TERB2: variants seen among roughly 807,000 people sequenced by gnomAD.
The protein encoded by TERB2 is telomere repeat binding bouquet formation protein 2.
A neutral mutation model predicts 29.8 loss-of-function variants in TERB2; 26 were observed. The observed-to-expected ratio is 0.87, with a 90% confidence interval of 0.64 to 1.21. The LOEUF is 1.21. Among genes scored for constraint, TERB2 ranks in the 50% most tolerant of loss-of-function variants. TERB2 has a pLI of 0.00. For synonymous variants in TERB2, 80 were observed against 90.8 expected, an observed-to-expected ratio of 0.88 and a Z score of 0.68; for missense variants, 240 against 268.6, an observed-to-expected ratio of 0.89 and a Z score of 0.74.
At position 44,976,661 on chromosome 15, in the gene TERB2, C is replaced by T. The variant is rs188244185; in HGVS notation, c.524-1828C>T. On this transcript the variant is annotated intron_variant, in intron 6 of 6. Coordinates refer to ENST00000340827, the MANE Select transcript of TERB2 (RefSeq NM_152448.3). ...TCAGGAGGTGGGGATCAGTTGGGGC[C>T]ACTGGGTGGCTGGCTATCACAGATG... Among the ~76,000 whole-genome samples, 1,037 of 152,258 alleles carry T rather than the reference C, an allele frequency of 6.8e-3. 7 individuals carry two copies. Among genetic ancestry groups the T allele is most frequent in the Non-Finnish European group, 0.011 (736 of 68,010 alleles).
At chr15:44,976,283 T>C (rs1892046514) in intron 6 of TERB2, 1 of 152,156 alleles carries the variant, frequency 6.6e-6, no homozygotes, top group Non-Finnish European at 1.5e-5. Context: ...TTTTGTAAGG[T>C]TGCAGTCAAG....
intron 5 of TERB2, among the ~76,000 whole-genome samples, chr15:44,972,635 C>A (rs1023520633): frequency 6.6e-6 from 1 of 151,438 alleles, no homozygotes; most frequent in Non-Finnish European, 1.5e-5. Flanking sequence ...CTTGCCTCAG[C>A]CTCCCGAATA....
At chr15:44,974,983 C>T (rs1057283492) in intron 6 of TERB2, among the ~76,000 whole-genome samples, 45 of 152,042 alleles carry the variant, frequency 3.0e-4, no homozygotes, top group Non-Finnish European at 3.4e-4. Flanking sequence ...TACATTTGGA[C>T]ATGTAATAGT....
chr15:44,966,185 A>C lies in TERB2; in HGVS notation c.376A>C (p.Lys126Gln). 1 of 1,551,928 alleles carries C rather than the reference A, an allele frequency of 6.4e-7. No individual in the cohort carries two copies. ...TGATGAAGTAACACCAAATGAAATA[A>C]AGACCCTTAGGGAAAACAGTGAACT... is the stretch of plus-strand genomic sequence containing the variant. ...KHDEVTPNEI[K>Q]TLRENSELAT... Residue 126 changes from lysine (K) to glutamine (Q), a missense_variant, in exon 5 of 7, where the codon AAG becomes CAG. Physicochemically the swap from Lys to Gln is moderately conservative, Grantham distance 53 (BLOSUM62 1). Coordinates refer to ENST00000340827, the MANE Select transcript of TERB2 (RefSeq NM_152448.3).
At chr15:44,960,253 T>C (rs1000485417) in intron 3 of TERB2, among the ~76,000 whole-genome samples, 1 of 152,254 alleles carries the variant, frequency 6.6e-6, no homozygotes, top group African/African-American at 2.4e-5. Flanking sequence ...ATTAAAAGTA[T>C]ACCTTTTTAA....
chr15:44,963,435 C>T (rs1206174596), intron 4 of TERB2, among the ~76,000 whole-genome samples: 1 of 152,150 alleles, frequency 6.6e-6, no homozygotes, highest in Non-Finnish European at 1.5e-5. Context: ...AATTAACCGA[C>T]CTGGACTCTA....
At chr15:44,961,629 AT>A in intron 4 of TERB2, 45 bp downstream of exon 4, 1 of 1,342,206 alleles carries the variant, frequency 7.5e-7, no homozygotes, top group Non-Finnish European at 1.0e-6. Context: ...CAGCTTCAAC[AT>A]TTTCTGAAAG....
intron 5 of TERB2, among the ~76,000 whole-genome samples, chr15:44,969,223 C>T (rs1431613893): frequency 6.6e-6 from 1 of 152,182 alleles, no homozygotes; most frequent in Non-Finnish European, 1.5e-5. Context: ...CGTGCCTCAG[C>T]CTCCTGAGTA....
intron 5 of TERB2, among the ~76,000 whole-genome samples, chr15:44,973,133 G>A (rs1201259287): frequency 2.0e-5 from 3 of 152,006 alleles, no homozygotes; most frequent in African/African-American, 4.8e-5. Flanking sequence ...CACCTGCCTC[G>A]GCCTCCCAAA....
intron 3 of TERB2, among the ~76,000 whole-genome samples, chr15:44,961,038 GAT>G (rs1478532496): frequency 2.0e-5 from 3 of 150,990 alleles, no homozygotes; most frequent in Admixed American, 6.6e-5. Context: ...TATATAGAGA[GAT>G]ATATATCTAT....
chr15:44,969,131 G>A (rs1021283123), intron 5 of TERB2, among the ~76,000 whole-genome samples: 1 of 151,988 alleles, frequency 6.6e-6, no homozygotes, highest in Non-Finnish European at 1.5e-5. Context: ...GTCTCGCTCT[G>A]TCACCCAGGC....
At chr15:44,966,134 T>A in intron 4 of TERB2, 24 bp from the exon 5 acceptor site, 1 of 1,419,426 alleles carries the variant, frequency 7.0e-7, no homozygotes, top group South Asian at 1.6e-5. Flanking sequence ...TTTTTTAAAA[T>A]GTGATTTACT....
chr15:44,963,088 A>C (rs998439450), intron 4 of TERB2, among the ~76,000 whole-genome samples: 1 of 152,202 alleles, frequency 6.6e-6, no homozygotes, highest in Non-Finnish European at 1.5e-5. Context: ...TAAAATAGAA[A>C]AATCACCATT....
intron 4 of TERB2, among the ~76,000 whole-genome samples, chr15:44,965,628 C>T (rs1416297251): frequency 7.3e-6 from 1 of 136,694 alleles, no homozygotes; most frequent in Non-Finnish European, 1.6e-5. Context: ...AAATATATAT[C>T]TATATAAAGA....
At chr15:44,961,281 C>T (rs113419181) in intron 3 of TERB2, among the ~76,000 whole-genome samples, 1 of 149,254 alleles carries the variant, frequency 6.7e-6, no homozygotes, top group East Asian at 2.0e-4. Context: ...TAGCAGGAAA[C>T]GTCTACAACA....
At chr15:44,969,528 C>CTTTGGAAAG (rs1891937804) in intron 5 of TERB2, among the ~76,000 whole-genome samples, 1 of 151,780 alleles carries the variant, frequency 6.6e-6, no homozygotes, top group African/African-American at 2.4e-5. Context: ...GTGGCTCACA[C>CTTTGGAAAG]CTGTCATCCC....
chr15:44,959,918 C>A (rs1434064877), intron 3 of TERB2, among the ~76,000 whole-genome samples: 1 of 152,132 alleles, frequency 6.6e-6, no homozygotes, highest in Non-Finnish European at 1.5e-5. Context: ...CCATTAGAAA[C>A]CCCAGAGATT....
intron 2 of TERB2, among the ~76,000 whole-genome samples, chr15:44,957,621 A>G (rs1264748512): frequency 6.6e-6 from 1 of 152,172 alleles, no homozygotes; most frequent in Non-Finnish European, 1.5e-5. Flanking sequence ...ATTGTTCTTC[A>G]TCCTCACTGA....
chr15:44,962,430 C>T (rs1303917575), intron 4 of TERB2, among the ~76,000 whole-genome samples: 2 of 151,462 alleles, frequency 1.3e-5, no homozygotes, highest in Non-Finnish European at 2.9e-5. Context: ...ACCTCGTGAT[C>T]CGCCCGCCTC....
Sources: allele counts gnomAD v4.1 joint callset (sites outside exome capture counted in the v4.1 genomes callset), GRCh38; gene constraint gnomAD v4.1.1; transcripts MANE v1.5; gene names NCBI Gene and HGNC (gene_info 2026-07-23, HGNC 2026-07-21).